The following ACCSL variants were observed in gnomAD, a reference collection of about 807,000 sequenced individuals.
ACCSL encodes the protein 1-aminocyclopropane-1-carboxylate synthase homolog (inactive) like, also known as probable inactive 1-aminocyclopropane-1-carboxylate synthase-like protein 2.
ACCSL carries 55 observed loss-of-function variants against 61.7 expected under a neutral mutation model. The ratio of observed to expected loss-of-function variants is 0.89; its 90% confidence interval spans 0.72 to 1.12. The LOEUF (loss-of-function observed/expected upper bound fraction) is 1.12. Ranked by LOEUF, ACCSL falls within the 50% of genes most tolerant of loss-of-function variation. The pLI, the probability that ACCSL is intolerant of heterozygous loss-of-function variation, is 0.00. For missense variants in ACCSL, 632 were observed against 698.0 expected (o/e 0.91, Z 1.07); for synonymous variants, 258 against 264.3 (o/e 0.98, Z 0.23).
At chr11:44,052,542 G>A (rs1042106763) in intron 5 of ACCSL, 120 bp from the exon 6 acceptor site, 1 of 791,804 alleles carries the variant, frequency 1.3e-6, no homozygotes, top group South Asian at 1.6e-5. Flanking sequence ...TAATCCCCAG[G>A]TAGAAAGGAT....
At chr11:44,024,952 A>G in the ACCSL span, among the ~76,000 whole-genome samples, 1 of 152,118 alleles carries the variant, frequency 6.6e-6, no homozygotes, top group Non-Finnish European at 1.5e-5. Flanking sequence ...TTTGTTTCCA[A>G]TGATGATTTT....
At chr11:43,984,209 C>T in the ACCSL span, among the ~76,000 whole-genome samples, 1 of 152,070 alleles carries the variant, frequency 6.6e-6, no homozygotes, top group African/African-American at 2.4e-5. Flanking sequence ...TGGTAGGTGT[C>T]CACTACACGT....
chr11:44,041,467 C>A, the ACCSL span, among the ~76,000 whole-genome samples: 13 of 152,276 alleles, frequency 8.5e-5, no homozygotes, highest in African/African-American at 3.1e-4. Context: ...TATATTTGAA[C>A]CTCTAGGATA....
chr11:44,041,576 A>C, the ACCSL span, among the ~76,000 whole-genome samples: 3 of 152,184 alleles, frequency 2.0e-5, no homozygotes, highest in African/African-American at 7.2e-5. Flanking sequence ...AAAACATGAG[A>C]TGGGCCCCTA....
rs1590430402 is a variant in ACCSL, at chr11:44,052,544, A to T, written c.773-118A>T. 15 of 800,096 alleles carry T rather than the reference A, an allele frequency of 1.9e-5. No homozygotes were observed. The East Asian group carries it at 3.4e-4, about 18-fold the overall frequency. 49.6% of individuals were successfully genotyped at this position (800,096 alleles called of 1,614,324 possible). A position where few individuals can be genotyped will look rare whatever the true frequency, so the allele number is the denominator to read the frequency against. On this transcript the variant is annotated intron_variant, in intron 5 of 13. Coordinates refer to ENST00000378832, the MANE Select transcript of ACCSL (RefSeq NM_001031854.2). ...AACCTAAGAACATTAATCCCCAGGT[A>T]GAAAGGATCGTGAAACTGACTTTTT...
chr11:43,964,691 C>G, the ACCSL span, among the ~76,000 whole-genome samples: 1 of 151,956 alleles, frequency 6.6e-6, no homozygotes, highest in East Asian at 1.9e-4. Context: ...TACAAAAATC[C>G]TCAAGAAAAT....
the ACCSL span, among the ~76,000 whole-genome samples, chr11:43,934,597 C>T: frequency 2.0e-5 from 3 of 152,218 alleles, no homozygotes; most frequent in African/African-American, 7.2e-5. Flanking sequence ...GCTTGGAACT[C>T]TGAGACCCAC....
chr11:43,976,870 A>G, the ACCSL span, among the ~76,000 whole-genome samples: 1 of 152,250 alleles, frequency 6.6e-6, no homozygotes, highest in Non-Finnish European at 1.5e-5. Flanking sequence ...ATAGTGTCTC[A>G]TAGGCACACA....
intron 13 of ACCSL, among the ~76,000 whole-genome samples, chr11:44,059,006 G>T (rs757602247): frequency 1.9e-4 from 29 of 152,158 alleles, no homozygotes; most frequent in African/African-American, 6.5e-4. Flanking sequence ...ACTTTGGGAG[G>T]CCGAGGTGGG....
chr11:44,006,498 G>T, the ACCSL span, among the ~76,000 whole-genome samples: 3 of 116,428 alleles, frequency 2.6e-5, no homozygotes, highest in Non-Finnish European at 5.1e-5. Flanking sequence ...ACCTCTTTGA[G>T]ATTTTTTTTT....
chr11:43,997,923 T>A, the ACCSL span, among the ~76,000 whole-genome samples: 10 of 152,098 alleles, frequency 6.6e-5, no homozygotes, highest in Non-Finnish European at 1.5e-4. Flanking sequence ...GGAGAAGAGG[T>A]AGGAAACAGG....
intron 11 of ACCSL, among the ~76,000 whole-genome samples, chr11:44,058,114 A>G (rs1474783422): frequency 6.6e-6 from 1 of 152,232 alleles, no homozygotes; most frequent in African/African-American, 2.4e-5. Context: ...TGGAGATTGC[A>G]GTGTGCCGAG....
the ACCSL span, among the ~76,000 whole-genome samples, chr11:44,002,616 C>G: frequency 2.6e-5 from 4 of 152,090 alleles, no homozygotes; most frequent in African/African-American, 9.7e-5. Context: ...TGGGGAGATA[C>G]CAGCTTACTA....
chr11:44,027,470 G>A, the ACCSL span, among the ~76,000 whole-genome samples: 2 of 152,224 alleles, frequency 1.3e-5, no homozygotes, highest in East Asian at 1.9e-4. Flanking sequence ...GACCAGCTGA[G>A]TTCCTATGAA....
At chr11:43,992,150 C>T in the ACCSL span, among the ~76,000 whole-genome samples, 1 of 151,046 alleles carries the variant, frequency 6.6e-6, no homozygotes. Flanking sequence ...CTCCTGGGCC[C>T]AAGGGATCCT....
the ACCSL span, among the ~76,000 whole-genome samples, chr11:44,033,940 G>A: frequency 2.6e-5 from 4 of 151,192 alleles, no homozygotes; most frequent in Non-Finnish European, 1.5e-5. Context: ...TGAGATGCAG[G>A]AGCCCGAGAA....
the ACCSL span, among the ~76,000 whole-genome samples, chr11:44,027,028 G>A: frequency 3.3e-5 from 5 of 152,188 alleles, no homozygotes; most frequent in East Asian, 5.8e-4. Context: ...GCACCCAGCC[G>A]ACTAATTCTT....
rs187071962 is a variant in ACCSL at position 44,051,841 on chromosome 11, G to A, written c.772+122G>A. ...CTCAAGGCCTTTTCCCCAAAGTGGT[G>A]GGCCTTCTCCCACACTGACTAGGTT... On this transcript the variant is annotated intron_variant, in intron 5 of 13. Coordinates refer to ENST00000378832, the MANE Select transcript of ACCSL (RefSeq NM_001031854.2). 7.7e-5 allele frequency: 90 copies of A among 1,170,854 alleles called. No homozygotes were observed. The East Asian group carries it at 2.1e-3, about 27-fold the overall frequency. 72.5% of individuals were successfully genotyped at this position (1,170,854 alleles called of 1,614,324 possible). A position where few individuals can be genotyped will look rare whatever the true frequency, so the allele number is the denominator to read the frequency against.
At chr11:43,990,812 C>G in the ACCSL span, among the ~76,000 whole-genome samples, 1 of 152,050 alleles carries the variant, frequency 6.6e-6, no homozygotes, top group Admixed American at 6.6e-5. Context: ...TGGCTCACAC[C>G]GTAATCACAG....
Sources: gnomAD v4.1 joint callset for allele counts (sites outside exome capture counted in the v4.1 genomes callset) on GRCh38, gnomAD v4.1.1 for gene constraint, MANE v1.5 for transcripts, NCBI Gene and HGNC (gene_info 2026-07-23, HGNC 2026-07-21) for gene names.